Variants in LRRC56 observed in about 807,000 individuals in gnomAD.
LRRC56 encodes leucine rich repeat containing 56.
LRRC56 carries 41 observed loss-of-function variants against 47.8 expected under a neutral mutation model. The ratio of observed to expected loss-of-function variants is 0.86; its 90% CI spans 0.67 to 1.11. The LOEUF (loss-of-function observed/expected upper bound fraction) is 1.11, where lower values mean the gene tolerates loss of function less well. Ranked by LOEUF, LRRC56 falls within the 50% of genes most tolerant of loss-of-function variation. The probability of loss-of-function intolerance (pLI) is 0.00; values close to 1 mark genes in which losing one functional copy is unlikely to be tolerated. For synonymous variants in LRRC56, 387 were observed against 311.2 expected (o/e 1.24, Z -2.56); for missense variants, 759 against 704.2 (o/e 1.08, Z -0.88).
At chr11:537,418 G>A (rs572761826), upstream of LRRC56, 1 of 152,272 alleles carries the variant, frequency 6.6e-6, no homozygotes, top group Admixed American at 6.5e-5. Context: ...TCAGCCGCAC[G>A]GAACCCGAGC....
Position 541,668 on chromosome 11 carries a change from C to A in LRRC56, c.265+44C>A. The A allele has an allele frequency of 1.6e-6, 2 of 1,241,154 alleles. No individual in the cohort carries two copies. The highest frequency in any genetic ancestry group is 2.3e-6 in the Non-Finnish European group (2 of 881,726). 76.9% of individuals were successfully genotyped at this position (1,241,154 alleles called of 1,614,324 possible). A position where few individuals can be genotyped will look rare whatever the true frequency, so the allele number is the denominator to read the frequency against. On this transcript the variant is annotated intron_variant, in intron 5 of 13. Coordinates refer to ENST00000270115, the MANE Select transcript of LRRC56 (RefSeq NM_198075.4). This position sits in a 1 kb window ranked among gnomAD's most constrained non-coding sequence, Gnocchi z 4.1. ...CGCCATGGCCACGGCCACGGCCACG[C>A]CTCCCTGTAAACAACACACGTTTCC...
intron 5 of LRRC56, among the ~76,000 whole-genome samples, chr11:542,304 C>T (rs970410882): frequency 5.3e-5 from 8 of 152,102 alleles, no homozygotes; most frequent in African/African-American, 1.7e-4. Context: ...CTTGGTGTCT[C>T]CTGAAACTCA....
chr11:516,066 C>T, the LRRC56 span, among the ~76,000 whole-genome samples: 1 of 152,146 alleles, frequency 6.6e-6, no homozygotes, highest in Non-Finnish European at 1.5e-5. Context: ...TATCCTGTTA[C>T]CAATGCCACA....
chr11:523,678 AT>A, the LRRC56 span, among the ~76,000 whole-genome samples: 2 of 151,622 alleles, frequency 1.3e-5, no homozygotes, highest in Non-Finnish European at 2.9e-5. Context: ...CACGCCTATA[AT>A]TCCAGCACTT....
chr11:537,452 C>G (rs1236517963), upstream of LRRC56: 2 of 152,260 alleles, frequency 1.3e-5, no homozygotes, highest in African/African-American at 2.4e-5. Flanking sequence ...TAAATATTTG[C>G]GTATTCAAAT....
chr11:533,388 T>A, upstream of LRRC56: 2 of 1,569,358 alleles, frequency 1.3e-6, no homozygotes, highest in Non-Finnish European at 1.7e-6. Context: ...CAGTGAGTGC[T>A]GCTCCCTGGC....
At chr11:545,573 C>T (rs749642371) in intron 6 of LRRC56, among the ~76,000 whole-genome samples, 18 of 151,334 alleles carry the variant, frequency 1.2e-4, no homozygotes, top group African/African-American at 2.0e-4. Context: ...CGGCAGCTCC[C>T]GGGAGAGGCA....
At chr11:513,169 C>T in the LRRC56 span, among the ~76,000 whole-genome samples, 6 of 152,218 alleles carry the variant, frequency 3.9e-5, no homozygotes, top group African/African-American at 9.6e-5. Flanking sequence ...GAGACAGTCT[C>T]GCTCTGCTCT....
intron 13 of LRRC56, among the ~76,000 whole-genome samples, chr11:553,357 G>A (rs1852532547): frequency 6.6e-6 from 1 of 152,178 alleles, no homozygotes; most frequent in African/African-American, 2.4e-5. Context: ...CTGGTTAAGG[G>A]GGCTGGGATG....
chr11:553,231 G>A (rs897774283), intron 13 of LRRC56, among the ~76,000 whole-genome samples: 1 of 152,246 alleles, frequency 6.6e-6, no homozygotes, highest in Non-Finnish European at 1.5e-5. Flanking sequence ...ACTTCAGTGT[G>A]ATCACAGCTG....
the LRRC56 span, chr11:506,639 T>C: frequency 6.6e-6 from 1 of 152,302 alleles, no homozygotes; most frequent in Non-Finnish European, 1.5e-5. Flanking sequence ...GTGGGAGCCG[T>C]TCGAGTCTTC....
chr11:518,079 G>A, the LRRC56 span, among the ~76,000 whole-genome samples: 1 of 152,090 alleles, frequency 6.6e-6, no homozygotes, highest in African/African-American at 2.4e-5. Context: ...CTTTGTTCAC[G>A]TGTTTATCTG....
Position 538,835 on chromosome 11 carries a change from G to T in LRRC56, c.-184G>T, listed in dbSNP as rs966167917. The T allele has an allele frequency of 6.6e-6, 1 of 152,302 alleles. No individual in the cohort carries two copies. The highest frequency in any genetic ancestry group is 1.5e-5 in the Non-Finnish European group (1 of 68,074). 9.4% of individuals were successfully genotyped at this position (152,302 alleles called of 1,614,324 possible). A position where few individuals can be genotyped will look rare whatever the true frequency, so the allele number is the denominator to read the frequency against. On this transcript the variant is annotated 5_prime_UTR_variant, in exon 2 of 14. Transcript: ENST00000270115. The stretch of plus-strand genomic sequence containing the variant: ...CACGTGCAGCCCACAGCTCTGGGGC[G>T]AGGCAGGCCCTCAACCGAACACGTA...
At chr11:552,825 G>A in intron 13 of LRRC56, 123 bp downstream of exon 13, 2 of 871,394 alleles carry the variant, frequency 2.3e-6, no homozygotes, top group Non-Finnish European at 3.5e-6. Flanking sequence ...CATGCTCTGA[G>A]AGGGACTGTA....
At chr11:534,997 C>G (rs1338481918), upstream of LRRC56, among the ~76,000 whole-genome samples, 2 of 152,136 alleles carry the variant, frequency 1.3e-5, no homozygotes. Context: ...GCGGGAGACC[C>G]GGAGAGGGAA....
chr11:522,506 T>C, the LRRC56 span, among the ~76,000 whole-genome samples: 2 of 152,166 alleles, frequency 1.3e-5, no homozygotes, highest in East Asian at 3.9e-4. Context: ...GACCTCGTGA[T>C]TCGCCCACCT....
At chr11:524,485 G>A in the LRRC56 span, among the ~76,000 whole-genome samples, 1 of 151,940 alleles carries the variant, frequency 6.6e-6, no homozygotes, top group African/African-American at 2.4e-5. Flanking sequence ...TACAAAATTA[G>A]TCAGGCATGG....
chr11:522,984 T>C, the LRRC56 span, among the ~76,000 whole-genome samples: 9 of 152,174 alleles, frequency 5.9e-5, no homozygotes, highest in Non-Finnish European at 1.3e-4. Context: ...ATATTTTCTA[T>C]GTACAGAGAT....
In LRRC56 at chr11:550,168, G is replaced by T; in HGVS notation, c.520G>T (p.Asp174Tyr). 6.2e-7 allele frequency: 1 copy of T among 1,613,296 alleles called. No homozygotes were observed. Among genetic ancestry groups the T allele is most frequent in the Non-Finnish European group, 8.5e-7 (1 of 1,179,844 alleles). The change falls in exon 8 of 14, where the codon GAC becomes TAC. Residue 174 changes from aspartate (D) to tyrosine (Y), a missense_variant. Asp to Tyr is a radical substitution (Grantham distance 160). Transcript: ENST00000270115. Reference sequence around the variant, plus strand: ...GGACCTGGAGGGCAACAGCGTGGAGGACCTGGGGCAGGTGCGCTACTTGCA... The same window carrying T: ...GGACCTGGAGGGCAACAGCGTGGAGTACCTGGGGCAGGTGCGCTACTTGCA... ...VLDLEGNSVE[D>Y]LGQVRYLQLC...
Sources: allele counts gnomAD v4.1 joint callset (sites outside exome capture counted in the v4.1 genomes callset), GRCh38; gene constraint gnomAD v4.1.1; non-coding constraint Gnocchi (gnomAD v3.1); transcripts MANE v1.5; gene names NCBI Gene and HGNC (gene_info 2026-07-23, HGNC 2026-07-21).